SMIM31: variants seen among roughly 807,000 people sequenced by gnomAD.
SMIM31 encodes human epithelial cell program regulator.
rs1733261859 is a variant in SMIM31 at position 164,799,981 on chromosome 4, C to T, written c.113-1110C>T. On this transcript the variant is annotated intron_variant, in intron 2 of 2. Coordinates refer to ENST00000507311, the MANE Select transcript of SMIM31 (RefSeq NM_001352885.1). The stretch of plus-strand genomic sequence containing the variant: ...AAGCCATAAGGTGCTTTAAGGCTCA[C>T]CCAACACAACCCCTTTAAAACATTT... Among the ~76,000 whole-genome samples, 5 of 152,176 alleles carry T rather than the reference C, an allele frequency of 3.3e-5. No individual in the cohort carries two copies. The South Asian group carries it at 8.3e-4, about 25-fold the overall frequency.
chr4:164,760,965 G>A (rs12511355), intron 1 of SMIM31, among the ~76,000 whole-genome samples: 54,732 of 151,970 alleles, frequency 0.36, 11,947 homozygotes, highest in Non-Finnish European at 0.48. Context: ...ACAAGTCCAA[G>A]GATGCATGAG....
intron 2 of SMIM31, among the ~76,000 whole-genome samples, chr4:164,793,009 C>T (rs568246523): frequency 1.1e-4 from 16 of 152,132 alleles, no homozygotes; most frequent in African/African-American, 2.9e-4. Context: ...AACTGAATAC[C>T]GTGGAATACT....
chr4:164,766,704 A>T (rs1164215440), intron 1 of SMIM31, among the ~76,000 whole-genome samples: 1 of 152,006 alleles, frequency 6.6e-6, no homozygotes, highest in East Asian at 1.9e-4. Context: ...GGACTGAGGC[A>T]GGAGAATCGC....
intron 1 of SMIM31, among the ~76,000 whole-genome samples, chr4:164,762,271 C>G (rs1732660728): frequency 6.6e-6 from 1 of 152,132 alleles, no homozygotes; most frequent in Non-Finnish European, 1.5e-5. Context: ...TTTAGGGATT[C>G]TAAAGACTGG....
At chr4:164,786,329 G>C (rs548283916) in intron 2 of SMIM31, among the ~76,000 whole-genome samples, 11 of 152,188 alleles carry the variant, frequency 7.2e-5, no homozygotes, top group African/African-American at 2.6e-4. Flanking sequence ...CCATTCAGGA[G>C]CTACCTGAAA....
At chr4:164,777,443 G>T (rs1372930552) in intron 2 of SMIM31, among the ~76,000 whole-genome samples, 2 of 152,184 alleles carry the variant, frequency 1.3e-5, no homozygotes, top group Admixed American at 1.3e-4. Flanking sequence ...CAGTTTAGAA[G>T]AGATTAGTAT....
At chr4:164,798,133 T>C (rs185546852) in intron 2 of SMIM31, among the ~76,000 whole-genome samples, 2 of 152,348 alleles carry the variant, frequency 1.3e-5, no homozygotes, top group East Asian at 1.9e-4. Flanking sequence ...CAATTATCCA[T>C]TGATGGACAC....
intron 2 of SMIM31, among the ~76,000 whole-genome samples, chr4:164,797,810 G>A (rs987138425): frequency 5.9e-5 from 9 of 151,930 alleles, no homozygotes; most frequent in Admixed American, 5.9e-4. Context: ...GGTGAAATCT[G>A]GGCTTTTAGT....
intron 2 of SMIM31, among the ~76,000 whole-genome samples, chr4:164,782,524 G>T (rs574266472): frequency 3.4e-5 from 5 of 149,008 alleles, no homozygotes; most frequent in African/African-American, 1.0e-4. Flanking sequence ...GACTACAGGC[G>T]CCCCCCACCA....
intron 1 of SMIM31, among the ~76,000 whole-genome samples, chr4:164,760,534 CAGCCTGG>C (rs1732632352): frequency 1.3e-5 from 2 of 150,384 alleles, no homozygotes; most frequent in Non-Finnish European, 3.0e-5. Flanking sequence ...AGTTCAAGAC[CAGCCTGG>C]CCAACATGGT....
chr4:164,784,994 C>T (rs1430241015), intron 2 of SMIM31, among the ~76,000 whole-genome samples: 13 of 151,282 alleles, frequency 8.6e-5, no homozygotes, highest in African/African-American at 1.7e-4. Context: ...GAGGCCGAGG[C>T]GGGCGGATTG....
At chr4:164,796,081 G>A (rs1010481734) in intron 2 of SMIM31, among the ~76,000 whole-genome samples, 1 of 152,150 alleles carries the variant, frequency 6.6e-6, no homozygotes, top group Non-Finnish European at 1.5e-5. Flanking sequence ...CTTAATGCTT[G>A]AATTTGCTTA....
At chr4:164,794,675 T>A (rs1733165404) in intron 2 of SMIM31, among the ~76,000 whole-genome samples, 1 of 151,786 alleles carries the variant, frequency 6.6e-6, no homozygotes, top group Non-Finnish European at 1.5e-5. Context: ...CATGGTGGCG[T>A]GCGCCTGTAG....
At chr4:164,778,146 G>A (rs1027098634) in intron 2 of SMIM31, among the ~76,000 whole-genome samples, 10 of 152,192 alleles carry the variant, frequency 6.6e-5, no homozygotes, top group African/African-American at 2.4e-4. Context: ...CCAGCACTTT[G>A]GGAGGCCAAG....
At chr4:164,798,477 G>C (rs777570085) in intron 2 of SMIM31, among the ~76,000 whole-genome samples, 5 of 151,522 alleles carry the variant, frequency 3.3e-5, no homozygotes, top group Non-Finnish European at 7.4e-5. Flanking sequence ...TCCTGACCTC[G>C]TGATCCGCCC....
rs113225230 is a variant in SMIM31 at position 164,761,052 on chromosome 4, C to G, written c.-26+6641C>G. Among the ~76,000 whole-genome samples the G allele has an allele frequency of 2.6e-5, 4 of 152,320 alleles. No individual in the cohort carries two copies. In the South Asian group the frequency reaches 8.3e-4, roughly 32 times the overall value. On this transcript the variant is annotated intron_variant, in intron 1 of 2. Transcript: ENST00000507311. Reference sequence around the variant, plus strand: ...TATTTTCTCAAAGCCAATTGCCCATCTATGATAAATATTTTATTGCCATTC... The same window carrying G: ...TATTTTCTCAAAGCCAATTGCCCATGTATGATAAATATTTTATTGCCATTC...
intron 1 of SMIM31, among the ~76,000 whole-genome samples, chr4:164,766,796 C>CAA (rs33966423): frequency 3.0e-4 from 35 of 116,090 alleles, no homozygotes; most frequent in Non-Finnish European, 4.6e-4. Flanking sequence ...GACTCCATCT[C>CAA]AAAAAAAAAA....
intron 1 of SMIM31, among the ~76,000 whole-genome samples, chr4:164,759,719 G>T (rs1732620127): frequency 6.6e-6 from 1 of 151,966 alleles, no homozygotes; most frequent in Non-Finnish European, 1.5e-5. Flanking sequence ...GCTCCTCCTG[G>T]CTAAATATCT....
At chr4:164,760,772 A>G (rs1732636976) in intron 1 of SMIM31, among the ~76,000 whole-genome samples, 1 of 151,260 alleles carries the variant, frequency 6.6e-6, no homozygotes, top group Non-Finnish European at 1.5e-5. Context: ...GATAAAGCCA[A>G]TAGGATTTCT....
Sources: allele counts gnomAD v4.1 joint callset (sites outside exome capture counted in the v4.1 genomes callset), GRCh38; gene constraint gnomAD v4.1.1; transcripts MANE v1.5; gene names NCBI Gene and HGNC (gene_info 2026-07-23, HGNC 2026-07-21).